Variants in WASL observed in about 807,000 individuals in gnomAD.
WASL encodes the protein actin nucleation-promoting factor WASL.
A neutral mutation model predicts 55.5 loss-of-function variants in WASL; 20 were observed. That is an observed-to-expected ratio of 0.36 (90% confidence interval 0.25 to 0.52). WASL has a LOEUF of 0.52. Among genes scored for constraint, WASL ranks in the 20% least tolerant of loss-of-function variants. The pLI is 0.92. For missense variants in WASL, 504 were observed against 622.5 expected (o/e 0.81, Z 2.03); for synonymous variants, 249 against 217.6 (o/e 1.14, Z -1.27).
chr7:123,709,342 G>A (rs914996144), intron 1 of WASL, 119 bp from the exon 2 acceptor site: 4 of 701,088 alleles, frequency 5.7e-6, no homozygotes, highest in Non-Finnish European at 8.5e-6. Flanking sequence ...CTGATTCACA[G>A]AAACAAGGAA....
chr7:123,744,048 TC>T (rs945354141), intron 1 of WASL, among the ~76,000 whole-genome samples: 2 of 152,222 alleles, frequency 1.3e-5, no homozygotes, highest in East Asian at 1.9e-4. Context: ...TGAAATACAT[TC>T]CCGGTCTAAA....
chr7:123,698,294 T>A (rs1803523849), intron 5 of WASL, among the ~76,000 whole-genome samples: 1 of 151,828 alleles, frequency 6.6e-6, no homozygotes, highest in Admixed American at 6.6e-5. Context: ...CCAACTTGAC[T>A]GTTATTCTTT....
At chr7:123,704,525 G>C in intron 5 of WASL, 109 bp downstream of exon 5, 1 of 845,072 alleles carries the variant, frequency 1.2e-6, no homozygotes. Context: ...TTTCCACAAG[G>C]ATTAACATGT....
In WASL at chr7:123,689,006, G is replaced by GTCTCTC. The variant is rs3035629; in HGVS notation, c.1456+30_1456+35dup. On this transcript the variant is annotated intron_variant, in intron 10 of 10. Coordinates refer to ENST00000223023, the MANE Select transcript of WASL (RefSeq NM_003941.4). ...TTAAACACACACGCACACTCTCTCT[G>GTCTCTC]TCTCTCTCTCTCTCTCTCTCTCTCT... is the stretch of plus-strand genomic sequence containing the variant. The GTCTCTC allele has an allele frequency of 2.3e-4, 293 of 1,279,026 alleles. 1 individual carries two copies. Among genetic ancestry groups the GTCTCTC allele is most frequent in the South Asian group, 8.1e-4 (67 of 82,220 alleles). The allele number at this position is 1,279,026 out of a possible 1,614,324, so 79.2% of individuals were successfully genotyped here.
Position 123,695,860 on chromosome 7 carries a change from A to G in WASL, c.635T>C (p.Ile212Thr), listed in dbSNP as rs1803481803. ...DIGTPSNFQHIGHVGWDPNTG... is the reference protein window; with the variant it reads ...DIGTPSNFQHTGHVGWDPNTG... Reference sequence around the variant, plus strand: ...ATTTGGATCCCAACCAACATGTCCAATGTGCCTGAAGTAGAAAATAGAAAA... The same window carrying G: ...ATTTGGATCCCAACCAACATGTCCAGTGTGCCTGAAGTAGAAAATAGAAAA... The change falls in exon 7 of 11, where the codon ATT becomes ACT. Residue 212 changes from isoleucine (I) to threonine (T), a missense_variant. Physicochemically the swap from Ile to Thr is moderately conservative, Grantham distance 89. Transcript: ENST00000223023. The G allele has an allele frequency of 6.2e-7, 1 of 1,612,568 alleles. No individual in the cohort carries two copies. Among genetic ancestry groups the G allele is most frequent in the African/African-American group, 1.3e-5 (1 of 74,884 alleles).
At chr7:123,747,420 G>A (rs978800521) in intron 1 of WASL, among the ~76,000 whole-genome samples, 1 of 152,130 alleles carries the variant, frequency 6.6e-6, no homozygotes, top group Non-Finnish European at 1.5e-5. Context: ...TGAATGGAAC[G>A]ATTCAATCTC....
chr7:123,730,857 T>C (rs940431268), intron 1 of WASL, among the ~76,000 whole-genome samples: 2 of 152,116 alleles, frequency 1.3e-5, no homozygotes, highest in African/African-American at 4.8e-5. Context: ...TACGGGTAAA[T>C]TGCATGTCAC....
At chr7:123,723,194 T>C (rs114588939) in intron 1 of WASL, among the ~76,000 whole-genome samples, 3 of 152,210 alleles carry the variant, frequency 2.0e-5, no homozygotes, top group South Asian at 4.1e-4. Flanking sequence ...AGATGTATCA[T>C]TGCAACATTT....
At position 123,692,645 on chromosome 7, in the gene WASL, A is replaced by G; in HGVS notation, c.1049T>C (p.Leu350Pro). The change falls in exon 9 of 11, where the codon CTT (leucine) becomes CCT (proline). Residue 350 changes from leucine to proline, a missense_variant. By Grantham distance (98) the Leu-to-Pro change is moderately conservative. Coordinates refer to ENST00000223023, the MANE Select transcript of WASL (RefSeq NM_003941.4). ...AGGCCCTGAAGGTGCTGAGGAGGGA[A>G]GGGCTGGAGGTGGAGGAGGGTACAT... is the stretch of plus-strand genomic sequence containing the variant. ...NRMYPPPPPALPSSAPSGPPP... is the reference protein window; with the variant it reads ...NRMYPPPPPAPPSSAPSGPPP... 1 of 1,576,166 alleles carries G rather than the reference A, an allele frequency of 6.3e-7. No homozygotes were observed. The highest frequency in any genetic ancestry group is 1.4e-5 in the African/African-American group (1 of 72,894).
At chr7:123,713,742 T>C (rs1366865626) in intron 1 of WASL, among the ~76,000 whole-genome samples, 2 of 152,224 alleles carry the variant, frequency 1.3e-5, no homozygotes, top group East Asian at 3.9e-4. Context: ...TTACTCTGAA[T>C]ATACAGTTGG....
intron 1 of WASL, among the ~76,000 whole-genome samples, chr7:123,748,158 T>C (rs1295615703): frequency 6.6e-6 from 1 of 151,892 alleles, no homozygotes; most frequent in Non-Finnish European, 1.5e-5. Flanking sequence ...TAATGGGAGA[T>C]TAAAAACCAC....
Position 123,704,660 on chromosome 7 carries a change from G to A in WASL, c.437-3C>T, listed in dbSNP as rs1803640222. The A allele has an allele frequency of 7.5e-6, 11 of 1,471,228 alleles. No homozygotes were observed. The East Asian group carries it at 2.4e-4, about 32-fold the overall frequency. The allele number at this position is 1,471,228 out of a possible 1,614,324, so 91.1% of individuals were successfully genotyped here. ...ATTTGGGGGATCTCGTCTTTTCTCT[G>A]TTAGAAAATAAATTAGAAGAATATT... is the stretch of plus-strand genomic sequence containing the variant. On this transcript the variant is annotated splice_polypyrimidine_tract_variant and splice_region_variant and intron_variant, in intron 4 of 10. Transcript: ENST00000223023.
At chr7:123,735,601 C>A (rs572141185) in intron 1 of WASL, among the ~76,000 whole-genome samples, 1 of 151,934 alleles carries the variant, frequency 6.6e-6, no homozygotes, top group Non-Finnish European at 1.5e-5. Flanking sequence ...TTAAAAAACA[C>A]GCAAATCAAA....
rs765021597 is a variant in WASL at position 123,709,223 on chromosome 7, T to C, written c.118A>G (p.Thr40Ala). 1 of 1,599,834 alleles carries C rather than the reference T, an allele frequency of 6.3e-7. No homozygotes were observed. Among genetic ancestry groups the C allele is most frequent in the Non-Finnish European group, 8.5e-7 (1 of 1,173,506 alleles). The stretch of plus-strand genomic sequence containing the variant: ...AACTGCACCACTGCTGAAGACATAG[T>C]CTGCAAAATATAAAATTTATAACCA... ...LFTFLGKKCV[T>A]MSSAVVQLYA... Residue 40 changes from threonine to alanine, a missense_variant and splice_region_variant, in exon 2 of 11, where the codon ACT becomes GCT. By Grantham distance (58) the Thr-to-Ala change is moderately conservative (BLOSUM62 0). Coordinates refer to ENST00000223023, the MANE Select transcript of WASL (RefSeq NM_003941.4).
At chr7:123,740,955 G>A (rs903202211) in intron 1 of WASL, among the ~76,000 whole-genome samples, 4 of 152,138 alleles carry the variant, frequency 2.6e-5, no homozygotes, top group Non-Finnish European at 5.9e-5. Flanking sequence ...GAGTTTGCAG[G>A]TACTCCCCAT....
chr7:123,699,348 G>A (rs191342057), intron 5 of WASL, among the ~76,000 whole-genome samples: 52 of 152,246 alleles, frequency 3.4e-4, no homozygotes, highest in African/African-American at 1.1e-3. Context: ...ACTGACTCCA[G>A]CCCGGGCGAC....
chr7:123,748,069 G>C (rs942370745), intron 1 of WASL, among the ~76,000 whole-genome samples: 1 of 152,072 alleles, frequency 6.6e-6, no homozygotes, highest in East Asian at 1.9e-4. Flanking sequence ...TTAACGAAGA[G>C]CAATAACATT....
chr7:123,715,010 T>C (rs1460315092), intron 1 of WASL, among the ~76,000 whole-genome samples: 2 of 152,212 alleles, frequency 1.3e-5, no homozygotes, highest in East Asian at 3.9e-4. Context: ...AAGAGTGGCA[T>C]GGATTGAAGA....
chr7:123,734,565 T>C (rs1341710875), intron 1 of WASL, among the ~76,000 whole-genome samples: 2 of 125,694 alleles, frequency 1.6e-5, no homozygotes, highest in African/African-American at 6.2e-5. Context: ...TATGACATGC[T>C]GGAAAAGGCA....
Sources: allele counts gnomAD v4.1 joint callset (sites outside exome capture counted in the v4.1 genomes callset), GRCh38; gene constraint gnomAD v4.1.1; transcripts MANE v1.5; gene names NCBI Gene and HGNC (gene_info 2026-07-23, HGNC 2026-07-21).